Variants in KDELR1 observed in about 807,000 individuals in gnomAD.
The protein encoded by KDELR1 is ER lumen protein-retaining receptor 1.
Under a neutral mutation model 25.5 loss-of-function variants are expected in KDELR1, and 16 were observed. The observed-to-expected ratio is 0.63, with a 90% CI of 0.43 to 0.95. The LOEUF (loss-of-function observed/expected upper bound fraction) is 0.95. Among genes scored for constraint, KDELR1 ranks in the 40% least tolerant of loss-of-function variants. KDELR1 has a pLI of 0.00. For synonymous variants in KDELR1, 121 were observed against 115.0 expected (o/e 1.05, Z -0.33); for missense variants, 159 against 265.2 (o/e 0.60, Z 2.78).
Position 48,383,217 on chromosome 19 carries a change from T to C in KDELR1, c.*76A>G. The C allele has an allele frequency of 6.8e-7, 1 of 1,467,688 alleles. No individual in the cohort carries two copies. Among genetic ancestry groups the C allele is most frequent in the Non-Finnish European group, 9.3e-7 (1 of 1,071,060 alleles). The allele number at this position is 1,467,688 out of a possible 1,614,324, so 90.9% of individuals were successfully genotyped here. A position where few individuals can be genotyped will look rare whatever the true frequency, so the allele number is the denominator to read the frequency against. On this transcript the variant is annotated 3_prime_UTR_variant, in exon 5 of 5. Transcript: ENST00000330720. ...GGTTCTTAAAAAAGTCACCCCTGGA[T>C]GGGAAAGCTCTTCATCTTCTGCCGC... is the stretch of plus-strand genomic sequence containing the variant.
chr19:48,386,287 G>T (rs1291202662), intron 3 of KDELR1, among the ~76,000 whole-genome samples: 1 of 151,712 alleles, frequency 6.6e-6, no homozygotes, highest in Non-Finnish European at 1.5e-5. Flanking sequence ...GCTAATTTTT[G>T]TATTTTTTTA....
At chr19:48,393,029 G>T (rs1970580312), upstream of KDELR1, among the ~76,000 whole-genome samples, 1 of 152,248 alleles carries the variant, frequency 6.6e-6, no homozygotes, top group African/African-American at 2.4e-5. The surrounding 1 kb of genome is among the most constrained non-coding windows in gnomAD (Gnocchi z 5.6). Context: ...CTCAATAAAA[G>T]AAGGGGTGCA....
At position 48,383,282 on chromosome 19, in the gene KDELR1, G is replaced by A; in HGVS notation, c.*11C>T. 6 of 1,551,930 alleles carry A rather than the reference G, an allele frequency of 3.9e-6. No homozygotes were observed. Among genetic ancestry groups the A allele is most frequent in the Non-Finnish European group, 5.2e-6 (6 of 1,147,040 alleles). Reference sequence around the variant, plus strand: ...CGCTGCTGCCGAGGAGAGAGATGGAGAGGACCGGGGCTATGCCGGCAAACT... The same window carrying A: ...CGCTGCTGCCGAGGAGAGAGATGGAAAGGACCGGGGCTATGCCGGCAAACT... On this transcript the variant is annotated 3_prime_UTR_variant, in exon 5 of 5. Transcript: ENST00000330720.
chr19:48,384,513 G>A lies in KDELR1; in HGVS notation c.352-31C>T. 6.2e-7 allele frequency: 1 copy of A among 1,602,622 alleles called. No homozygotes were observed. Among genetic ancestry groups the A allele is most frequent in the South Asian group, 1.1e-5 (1 of 89,710 alleles). ...GAGAGGCCGGGGACATGATGAGGTG[G>A]GAGGGGACAGGGCGGGAGAAAAGGC... On this transcript the variant is annotated intron_variant, in intron 3 of 4. Transcript: ENST00000330720. The surrounding 1 kb of genome is among the most constrained non-coding windows in gnomAD (Gnocchi z 4.6).
chr19:48,390,388 T>C (rs766871473), intron 2 of KDELR1, 36 bp downstream of exon 2: 1 of 1,493,706 alleles, frequency 6.7e-7, no homozygotes, highest in Admixed American at 1.7e-5. Context: ...CTCCTCTGCC[T>C]CAGTGGGGGC....
upstream of KDELR1, among the ~76,000 whole-genome samples, chr19:48,393,914 G>A (rs528036869): frequency 1.3e-5 from 2 of 152,060 alleles, no homozygotes; most frequent in African/African-American, 4.8e-5. This position sits in a 1 kb window ranked among gnomAD's most constrained non-coding sequence, Gnocchi z 5.6. Context: ...TGGTGGAGGG[G>A]GGGTGTGTCT....
upstream of KDELR1, among the ~76,000 whole-genome samples, chr19:48,392,926 A>C (rs1021127418): frequency 6.6e-6 from 1 of 152,196 alleles, no homozygotes; most frequent in African/African-American, 2.4e-5. Context: ...CCCGGGGAAC[A>C]GCCTGTGGTC....
At chr19:48,394,779 G>C (rs554385623), upstream of KDELR1, 2 of 155,676 alleles carry the variant, frequency 1.3e-5, no homozygotes, top group African/African-American at 4.8e-5. This position sits in a 1 kb window ranked among gnomAD's most constrained non-coding sequence, Gnocchi z 5.1. Context: ...CAGGAGGTCC[G>C]GGCTGCCGCT....
At chr19:48,383,780 C>T (rs1219061190) in intron 4 of KDELR1, among the ~76,000 whole-genome samples, 2 of 152,078 alleles carry the variant, frequency 1.3e-5, no homozygotes, top group African/African-American at 4.8e-5. Context: ...GCTGGGATTA[C>T]AGGTATGAGC....
At chr19:48,387,404 C>G (rs923900606) in intron 3 of KDELR1, among the ~76,000 whole-genome samples, 3 of 151,342 alleles carry the variant, frequency 2.0e-5, no homozygotes, top group Admixed American at 6.6e-5. Context: ...TTTTGAAGGC[C>G]AGGCACGGTG....
chr19:48,396,732 C>T, the KDELR1 span, among the ~76,000 whole-genome samples: 2 of 151,894 alleles, frequency 1.3e-5, no homozygotes, highest in African/African-American at 4.8e-5. Flanking sequence ...GCAGAGGGGA[C>T]GGGCTGTGGC....
chr19:48,389,646 G>C lies in KDELR1; in HGVS notation c.258C>G (p.Tyr86Ter). ...CTCTGAACGTGTCATGGTTCCCATC[G>C]TAAGTAGCTTTGAACTTGCTATAAA... Reference protein sequence around the residue: ...WLIYSKFKATYDGNHDTFRVE... With the variant: ...WLIYSKFKAT The change falls in exon 3 of 5, where the codon TAC becomes TAG. Residue 86 changes from tyrosine to a stop codon, truncating the protein, a stop_gained. Coordinates refer to ENST00000330720, the MANE Select transcript of KDELR1 (RefSeq NM_006801.3). LOFTEE classifies it high-confidence loss of function. 6.2e-7 allele frequency: 1 copy of C among 1,614,150 alleles called. No homozygotes were observed. Among genetic ancestry groups the C allele is most frequent in the Non-Finnish European group, 8.5e-7 (1 of 1,179,984 alleles).
At chr19:48,393,096 C>G (rs971120294), upstream of KDELR1, among the ~76,000 whole-genome samples, 3 of 152,164 alleles carry the variant, frequency 2.0e-5, no homozygotes, top group African/African-American at 7.2e-5. This position sits in a 1 kb window ranked among gnomAD's most constrained non-coding sequence, Gnocchi z 5.6. Context: ...GTGACATCCA[C>G]GAGTCTTGGG....
rs1354953505 is a variant in KDELR1 at position 48,384,291 on chromosome 19, A to G, written c.543T>C (p.Ile181=). The change falls in exon 4 of 5, where the codon ATT becomes ATC. Residue 181 remains isoleucine, a synonymous_variant. Transcript: ENST00000330720. This position sits in a 1 kb window ranked among gnomAD's most constrained non-coding sequence, Gnocchi z 4.6. The part of the protein sequence containing the change: ...HFEGFFDLIA[I]VAGLVQTVLY... Reference sequence around the variant, plus strand: ...GGACTGTCTGGACCAGGCCTGCCACAATGGCGATGAGGTCGAAGAAGCCCT... The same window carrying G: ...GGACTGTCTGGACCAGGCCTGCCACGATGGCGATGAGGTCGAAGAAGCCCT... The G allele has an allele frequency of 6.2e-7, 1 of 1,614,254 alleles. No individual in the cohort carries two copies. Among genetic ancestry groups the G allele is most frequent in the South Asian group, 1.1e-5 (1 of 91,088 alleles).
At chr19:48,388,117 C>G (rs1022252182) in intron 3 of KDELR1, among the ~76,000 whole-genome samples, 2 of 152,188 alleles carry the variant, frequency 1.3e-5, no homozygotes, top group Non-Finnish European at 2.9e-5. Flanking sequence ...TCATTTGAAC[C>G]CTATGACATA....
At chr19:48,389,445 A>C in intron 3 of KDELR1, 108 bp downstream of exon 3, 2 of 1,307,434 alleles carry the variant, frequency 1.5e-6, no homozygotes, top group East Asian at 2.3e-5. Flanking sequence ...TCCTAAAATA[A>C]GGCAGTTTGG....
chr19:48,394,730 G>T, upstream of KDELR1: 1 of 153,918 alleles, frequency 6.5e-6, no homozygotes, highest in South Asian at 2.0e-4. The surrounding 1 kb of genome is among the most constrained non-coding windows in gnomAD (Gnocchi z 5.1). Flanking sequence ...GGCAGGACAG[G>T]ACCAAGGAAG....
chr19:48,390,516 C>T lies in KDELR1; in HGVS notation c.100G>A (p.Gly34Arg). 2 of 1,611,786 alleles carry T rather than the reference C, an allele frequency of 1.2e-6. No individual in the cohort carries two copies. The highest frequency in any genetic ancestry group is 8.5e-7 in the Non-Finnish European group (1 of 1,178,718). The change falls in exon 2 of 5, where the codon GGG becomes AGG. Residue 34 changes from glycine to arginine, a missense_variant. Transcript: ENST00000330720. Reference protein sequence around the residue: ...WKSRSCAGISGKSQVLFAVVF... With the variant: ...WKSRSCAGISRKSQVLFAVVF... ...ACAGCAAACAGGACCTGGCTCTTCCCTGAAATTCCTGTGGTCCAGAGACAG... is the reference window on the plus strand; with the variant it reads ...ACAGCAAACAGGACCTGGCTCTTCCTTGAAATTCCTGTGGTCCAGAGACAG...
intron 3 of KDELR1, chr19:48,387,842 C>T (rs986220376): frequency 2.0e-5 from 3 of 152,166 alleles, no homozygotes; most frequent in Admixed American, 2.0e-4. Context: ...GGAGTGGGCA[C>T]AGGTAAGAAA....
Sources: gnomAD v4.1 joint callset for allele counts (sites outside exome capture counted in the v4.1 genomes callset) on GRCh38, gnomAD v4.1.1 for gene constraint, Gnocchi (gnomAD v3.1) non-coding constraint, MANE v1.5 for transcripts, NCBI Gene and HGNC (gene_info 2026-07-23, HGNC 2026-07-21) for gene names.